The following PRKCE variants were observed in gnomAD, a reference collection of about 807,000 sequenced individuals.
The protein encoded by PRKCE is protein kinase C epsilon.
PRKCE carries 16 observed loss-of-function variants against 85.4 expected under a neutral mutation model. The ratio of observed to expected loss-of-function variants is 0.19; its 90% CI spans 0.13 to 0.28. The LOEUF (loss-of-function observed/expected upper bound fraction) is 0.28, where lower values mean the gene tolerates loss of function less well. PRKCE is among the 10% of genes least tolerant of loss of function. The probability of loss-of-function intolerance (pLI) is 1.00; values close to 1 mark genes in which losing one functional copy is unlikely to be tolerated. For synonymous variants in PRKCE, 388 were observed against 371.5 expected (o/e 1.04, Z -0.51); for missense variants, 573 against 975.2 (o/e 0.59, Z 5.49).
intron 11 of PRKCE, among the ~76,000 whole-genome samples, chr2:46,093,744 C>A (rs1373678496): frequency 6.6e-6 from 1 of 152,056 alleles, no homozygotes; most frequent in South Asian, 2.1e-4. Context: ...TAGTGACCTA[C>A]CACTGTGGAA....
intron 10 of PRKCE, among the ~76,000 whole-genome samples, chr2:46,035,647 T>C (rs1707811120): frequency 6.6e-6 from 1 of 152,244 alleles, no homozygotes; most frequent in Non-Finnish European, 1.5e-5. Context: ...GCATATGCCA[T>C]ATATGTGCGT....
intron 2 of PRKCE, among the ~76,000 whole-genome samples, chr2:45,948,742 A>T (rs940950317): frequency 6.6e-6 from 1 of 152,192 alleles, no homozygotes; most frequent in Non-Finnish European, 1.5e-5. Context: ...CTGCCCAGAG[A>T]TAACCCCTGG....
At chr2:46,012,268 T>G (rs1331562591) in intron 10 of PRKCE, among the ~76,000 whole-genome samples, 2 of 152,166 alleles carry the variant, frequency 1.3e-5, no homozygotes, top group Non-Finnish European at 2.9e-5. Context: ...CACCTTATCT[T>G]TCTTTATCTC....
At chr2:46,084,706 G>C (rs1186418538) in intron 10 of PRKCE, among the ~76,000 whole-genome samples, 1 of 127,740 alleles carries the variant, frequency 7.8e-6, no homozygotes, top group Non-Finnish European at 1.6e-5. Flanking sequence ...TAGCAACAGA[G>C]CGAGACTCCA....
chr2:45,870,712 CT>C (rs553082555), intron 2 of PRKCE, among the ~76,000 whole-genome samples: 1 of 152,202 alleles, frequency 6.6e-6, no homozygotes, highest in Non-Finnish European at 1.5e-5. Flanking sequence ...AATCCAGTTT[CT>C]ATCGGTTACC....
At chr2:45,744,521 TTTCTTTTTCTTTCC>T (rs1285377349) in intron 1 of PRKCE, among the ~76,000 whole-genome samples, 4,149 of 50,772 alleles carry the variant, frequency 0.082, 510 homozygotes, top group African/African-American at 0.2. Context: ...TCTTTCTTTC[TTTCTTTTTCTTTCC>T]TTCTTTCTTT....
intron 3 of PRKCE, 45 bp from the exon 4 acceptor site, chr2:45,978,930 TG>T: frequency 6.3e-7 from 1 of 1,577,906 alleles, no homozygotes. Context: ...TTTTTTGACC[TG>T]GTAAGATTTC....
intron 10 of PRKCE, among the ~76,000 whole-genome samples, chr2:46,018,385 A>C (rs1706347558): frequency 6.6e-6 from 1 of 152,128 alleles, no homozygotes. Context: ...TGGGAGCGTA[A>C]AACTGCTGGC....
At chr2:46,071,003 G>A (rs1341408046) in intron 10 of PRKCE, among the ~76,000 whole-genome samples, 2 of 152,078 alleles carry the variant, frequency 1.3e-5, no homozygotes, top group Non-Finnish European at 2.9e-5. Flanking sequence ...CAAACAAAAA[G>A]GCCAAGATGG....
intron 6 of PRKCE, among the ~76,000 whole-genome samples, chr2:45,992,358 C>T (rs918503000): frequency 2.0e-5 from 3 of 152,134 alleles, no homozygotes; most frequent in African/African-American, 4.8e-5. Context: ...CTCTGAGTCA[C>T]GGTTCTGGTG....
intron 10 of PRKCE, among the ~76,000 whole-genome samples, chr2:46,019,873 C>T (rs1235149829): frequency 1.8e-5 from 2 of 109,186 alleles, no homozygotes; most frequent in Admixed American, 1.1e-4. Flanking sequence ...TTTTTTGAGA[C>T]GGAGTCTTGC....
chr2:46,146,198 T>A (rs570715023), intron 12 of PRKCE, among the ~76,000 whole-genome samples: 8 of 152,392 alleles, frequency 5.2e-5, no homozygotes, highest in Admixed American at 4.6e-4. Context: ...GTGATGTGAT[T>A]CAGATTTAAG....
chr2:46,107,565 A>G (rs1671846372), intron 11 of PRKCE, among the ~76,000 whole-genome samples: 1 of 152,198 alleles, frequency 6.6e-6, no homozygotes, highest in Admixed American at 6.5e-5. Flanking sequence ...AATCAGTTGG[A>G]TAAATACCTA....
chr2:45,984,446 A>C, intron 5 of PRKCE, 105 bp from the exon 6 acceptor site: 1 of 1,501,776 alleles, frequency 6.7e-7, no homozygotes, highest in Non-Finnish European at 9.0e-7. Context: ...TGCCACCTAC[A>C]ATGACACAAG....
At chr2:46,046,906 C>T (rs918216361) in intron 10 of PRKCE, among the ~76,000 whole-genome samples, 2 of 152,150 alleles carry the variant, frequency 1.3e-5, no homozygotes, top group Admixed American at 6.5e-5. Flanking sequence ...GTAGGACAGC[C>T]CTATTTCCAC....
At chr2:45,744,397 TTC>T (rs1360586646) in intron 1 of PRKCE, among the ~76,000 whole-genome samples, 2 of 151,654 alleles carry the variant, frequency 1.3e-5, no homozygotes, top group Admixed American at 1.3e-4. Flanking sequence ...TGCCTGGTCT[TTC>T]TCTCTTTCTT....
intron 2 of PRKCE, among the ~76,000 whole-genome samples, chr2:45,924,094 G>A (rs1698440865): frequency 6.6e-6 from 1 of 152,168 alleles, no homozygotes; most frequent in Admixed American, 6.5e-5. Flanking sequence ...GTCAACAAAT[G>A]GACCCAACCC....
At chr2:45,965,799 A>G (rs1258556808) in intron 2 of PRKCE, among the ~76,000 whole-genome samples, 2 of 151,404 alleles carry the variant, frequency 1.3e-5, no homozygotes, top group African/African-American at 2.4e-5. Context: ...TTTTTTTCTC[A>G]TTTTATACAA....
chr2:45,863,765 G>A (rs556937019), intron 2 of PRKCE, among the ~76,000 whole-genome samples: 7 of 151,976 alleles, frequency 4.6e-5, no homozygotes, highest in Admixed American at 2.0e-4. Context: ...TTGCTAGGGG[G>A]AGGACAAGTG....
Sources: allele counts gnomAD v4.1 joint callset (sites outside exome capture counted in the v4.1 genomes callset), GRCh38; gene constraint gnomAD v4.1.1; transcripts MANE v1.5; gene names NCBI Gene and HGNC (gene_info 2026-07-23, HGNC 2026-07-21).